The following APBB1IP variants were observed in gnomAD, a reference collection of about 807,000 sequenced individuals.
APBB1IP encodes the protein amyloid beta A4 precursor protein-binding family B member 1-interacting protein.
Under a neutral mutation model 64.9 loss-of-function variants are expected in APBB1IP, and 27 were observed. That is an observed-to-expected ratio of 0.42 (90% CI 0.31 to 0.57). APBB1IP has a LOEUF of 0.57. Ranked by LOEUF, APBB1IP falls within the 20% of genes least tolerant of loss-of-function variation. APBB1IP has a pLI of 0.20. For synonymous variants in APBB1IP, 392 were observed against 331.0 expected (o/e 1.18, Z -2.00); for missense variants, 812 against 845.5 (o/e 0.96, Z 0.49).
Position 26,439,381 on chromosome 10 carries a change from TC to T in APBB1IP, c.-1+529del, listed in dbSNP as rs372045079. On this transcript the variant is annotated intron_variant, in intron 2 of 14. Coordinates refer to ENST00000376236, the MANE Select transcript of APBB1IP (RefSeq NM_019043.4). ...CTAAAACTTTTGGACAACTCTTTCCTCTTTTTAAAAATAACTTTTTCCCCCG... is the reference window on the plus strand; with the variant it reads ...CTAAAACTTTTGGACAACTCTTTCCTTTTTTAAAAATAACTTTTTCCCCCG... 5.4e-4 allele frequency among the ~76,000 whole-genome samples: 82 copies of T among 152,344 alleles called. No homozygotes were observed. In the East Asian group the frequency reaches 0.014, roughly 27 times the overall value.
intron 8 of APBB1IP, among the ~76,000 whole-genome samples, chr10:26,517,897 A>G (rs1836352102): frequency 6.6e-6 from 1 of 152,208 alleles, no homozygotes; most frequent in Non-Finnish European, 1.5e-5. Context: ...TCTCTTGCAT[A>G]TATACCTATA....
intron 2 of APBB1IP, among the ~76,000 whole-genome samples, chr10:26,455,155 A>T (rs1044062738): frequency 6.6e-6 from 1 of 152,244 alleles, no homozygotes; most frequent in Non-Finnish European, 1.5e-5. Flanking sequence ...ATGCCAGGAA[A>T]AACAGTATAT....
At chr10:26,502,445 T>C (rs1221655938) in intron 5 of APBB1IP, among the ~76,000 whole-genome samples, 1 of 152,026 alleles carries the variant, frequency 6.6e-6, no homozygotes, top group Non-Finnish European at 1.5e-5. Context: ...ATGGAGACAA[T>C]CCAGGCTAAC....
chr10:26,460,466 C>T (rs891481943), intron 2 of APBB1IP, among the ~76,000 whole-genome samples: 1 of 152,094 alleles, frequency 6.6e-6, no homozygotes, highest in African/African-American at 2.4e-5. Flanking sequence ...GAGCTGCCCT[C>T]ACAGTAGGAT....
intron 9 of APBB1IP, among the ~76,000 whole-genome samples, chr10:26,535,501 GTTA>G (rs1040578351): frequency 1.4e-4 from 22 of 152,194 alleles, no homozygotes; most frequent in African/African-American, 5.1e-4. Context: ...GTACGATTAA[GTTA>G]TTATTGACTA....
chr10:26,494,290 A>AG (rs1484128937), intron 3 of APBB1IP, among the ~76,000 whole-genome samples: 1 of 152,218 alleles, frequency 6.6e-6, no homozygotes, highest in African/African-American at 2.4e-5. Flanking sequence ...CTGTAGGGCC[A>AG]GGGGCCCTAA....
intron 11 of APBB1IP, among the ~76,000 whole-genome samples, chr10:26,557,214 C>T (rs1177615408): frequency 1.3e-5 from 2 of 152,086 alleles, no homozygotes; most frequent in African/African-American, 2.4e-5. Context: ...AGCATTGAAC[C>T]GCCAAAACAG....
In APBB1IP at chr10:26,532,755, G is replaced by A. The variant is rs1473023628; in HGVS notation, c.814-684G>A. On this transcript the variant is annotated intron_variant, in intron 8 of 14. Transcript: ENST00000376236. The stretch of plus-strand genomic sequence containing the variant: ...TCCTCCTGCCTCAGCCTCCCAGAGT[G>A]GTGGGATTATGGGCATGAGCCACAC... 2.0e-5 allele frequency among the ~76,000 whole-genome samples: 3 copies of A among 152,144 alleles called. No individual in the cohort carries two copies. The East Asian group carries it at 5.8e-4, about 29-fold the overall frequency.
chr10:26,537,626 A>T (rs1208857591), intron 10 of APBB1IP, among the ~76,000 whole-genome samples: 1 of 152,224 alleles, frequency 6.6e-6, no homozygotes, highest in Admixed American at 6.5e-5. Flanking sequence ...ATACTCTGTG[A>T]TGAGAATTAA....
At chr10:26,502,407 C>T (rs1037970767) in intron 5 of APBB1IP, among the ~76,000 whole-genome samples, 2 of 152,018 alleles carry the variant, frequency 1.3e-5, no homozygotes, top group African/African-American at 2.4e-5. Context: ...TTTGGGAGGC[C>T]GAGGTGGACG....
intron 2 of APBB1IP, among the ~76,000 whole-genome samples, chr10:26,470,077 A>C (rs150365881): frequency 6.6e-6 from 1 of 152,212 alleles, no homozygotes; most frequent in Non-Finnish European, 1.5e-5. Flanking sequence ...TGGATCTAAT[A>C]GTCCCTGACT....
intron 6 of APBB1IP, among the ~76,000 whole-genome samples, chr10:26,509,056 A>G (rs529840982): frequency 6.6e-6 from 1 of 152,226 alleles, no homozygotes; most frequent in Non-Finnish European, 1.5e-5. Context: ...TTACAGCAGT[A>G]ATTCTCAGCA....
intron 6 of APBB1IP, 82 bp downstream of exon 6, chr10:26,503,356 C>T: frequency 7.0e-7 from 1 of 1,430,322 alleles, no homozygotes; most frequent in South Asian, 1.2e-5. Context: ...CAAAATAAAG[C>T]CGGGCGCGGT....
chr10:26,460,384 A>C (rs540362678), intron 2 of APBB1IP, among the ~76,000 whole-genome samples: 1 of 152,174 alleles, frequency 6.6e-6, no homozygotes, highest in South Asian at 2.1e-4. Context: ...CCTCACATTG[A>C]CTCCCCAGCA....
At chr10:26,543,761 G>A (rs532957922) in intron 11 of APBB1IP, among the ~76,000 whole-genome samples, 4 of 152,246 alleles carry the variant, frequency 2.6e-5, no homozygotes, top group African/African-American at 9.6e-5. Flanking sequence ...TGTTCACAGA[G>A]AGGCTCTCTA....
Position 26,500,815 on chromosome 10 carries a change from C to T in APBB1IP, c.161-4C>T, listed in dbSNP as rs761973391. On this transcript the variant is annotated splice_region_variant and splice_polypyrimidine_tract_variant and intron_variant, in intron 4 of 14. Transcript: ENST00000376236. ...TATACCATTAATGTGATTTTCCCTA[C>T]TAGAGTCCTTAAATGCACTGGAAGA... The T allele has an allele frequency of 6.2e-7, 1 of 1,610,420 alleles. No homozygotes were observed. Among genetic ancestry groups the T allele is most frequent in the Non-Finnish European group, 8.5e-7 (1 of 1,177,412 alleles).
At chr10:26,471,422 C>T (rs1419609357) in intron 2 of APBB1IP, among the ~76,000 whole-genome samples, 1 of 152,022 alleles carries the variant, frequency 6.6e-6, no homozygotes. Context: ...TTCTTGCTTC[C>T]AAATAACAGA....
At chr10:26,502,201 C>G (rs1409109260) in intron 5 of APBB1IP, among the ~76,000 whole-genome samples, 1 of 152,184 alleles carries the variant, frequency 6.6e-6, no homozygotes, top group Non-Finnish European at 1.5e-5. Context: ...ACCAGAACAG[C>G]TCATTTCCTC....
chr10:26,516,422 A>G (rs1320433213), intron 8 of APBB1IP, among the ~76,000 whole-genome samples: 2 of 151,458 alleles, frequency 1.3e-5, no homozygotes, highest in Admixed American at 6.6e-5. Context: ...GGGCTCCTGT[A>G]ATCTCAGCTA....
Sources: gnomAD v4.1 joint callset for allele counts (sites outside exome capture counted in the v4.1 genomes callset) on GRCh38, gnomAD v4.1.1 for gene constraint, MANE v1.5 for transcripts, NCBI Gene and HGNC (gene_info 2026-07-23, HGNC 2026-07-21) for gene names.